The following MAN1C1 variants were observed in gnomAD, a reference collection of about 807,000 sequenced individuals.
MAN1C1 encodes the protein mannosidase alpha class 1C member 1, also known as mannosyl-oligosaccharide 1,2-alpha-mannosidase IC.
Under a neutral mutation model 71.5 loss-of-function variants are expected in MAN1C1, and 49 were observed. That is an observed-to-expected ratio of 0.69 (90% CI 0.54 to 0.87). The LOEUF (loss-of-function observed/expected upper bound fraction) is 0.87. MAN1C1 is among the 40% of genes least tolerant of loss of function. The probability of loss-of-function intolerance (pLI) is 0.00; values close to 1 mark genes in which losing one functional copy is unlikely to be tolerated. For missense variants in MAN1C1, 743 were observed against 835.0 expected, an observed-to-expected ratio of 0.89 and a Z score of 1.36; for synonymous variants, 352 against 343.7, an observed-to-expected ratio of 1.02 and a Z score of -0.27.
chr1:25,721,780 T>C (rs1214972860), intron 2 of MAN1C1, among the ~76,000 whole-genome samples: 1 of 152,200 alleles, frequency 6.6e-6, no homozygotes, highest in Admixed American at 6.5e-5. Context: ...AGTTGCTCTG[T>C]TTAGAACCTC....
chr1:25,713,157 C>T (rs997016437), intron 2 of MAN1C1, among the ~76,000 whole-genome samples: 10 of 151,922 alleles, frequency 6.6e-5, no homozygotes, highest in African/African-American at 2.4e-4. Context: ...AGGTAAATAA[C>T]TTGCCTGGGG....
intron 1 of MAN1C1, among the ~76,000 whole-genome samples, chr1:25,648,874 A>G (rs2045652946): frequency 6.6e-6 from 1 of 152,238 alleles, no homozygotes; most frequent in Non-Finnish European, 1.5e-5. Flanking sequence ...CTAACGTGGC[A>G]TTCCAAGAGC....
intron 8 of MAN1C1, chr1:25,772,016 T>A: frequency 2.1e-6 from 1 of 475,790 alleles, no homozygotes; most frequent in East Asian, 3.8e-5. Flanking sequence ...CTCTGGGAGG[T>A]GAAGTCATTT....
At chr1:25,666,362 T>G (rs1004845698) in intron 1 of MAN1C1, among the ~76,000 whole-genome samples, 2 of 152,220 alleles carry the variant, frequency 1.3e-5, no homozygotes, top group African/African-American at 4.8e-5. Context: ...TTCCAGCTAA[T>G]GAGCCTCATC....
intron 5 of MAN1C1, among the ~76,000 whole-genome samples, chr1:25,754,717 G>C (rs1048346155): frequency 2.0e-5 from 3 of 152,066 alleles, no homozygotes; most frequent in Non-Finnish European, 4.4e-5. Context: ...CCCCTCCCCG[G>C]GTCTGGGGTA....
At chr1:25,670,926 G>C (rs2045985083) in intron 1 of MAN1C1, among the ~76,000 whole-genome samples, 1 of 152,156 alleles carries the variant, frequency 6.6e-6, no homozygotes, top group Non-Finnish European at 1.5e-5. Context: ...ACCCAGGCTG[G>C]AGTGCAGTGG....
chr1:25,736,496 A>G (rs2046984538), intron 2 of MAN1C1, among the ~76,000 whole-genome samples: 1 of 152,068 alleles, frequency 6.6e-6, no homozygotes, highest in East Asian at 1.9e-4. Flanking sequence ...ATACCACCCT[A>G]AAAGGGAGAC....
chr1:25,624,260 G>A (rs949656472), intron 1 of MAN1C1, among the ~76,000 whole-genome samples: 3 of 152,198 alleles, frequency 2.0e-5, no homozygotes, highest in African/African-American at 7.2e-5. Flanking sequence ...AGCTCAGACA[G>A]CAGGGTTTTG....
At chr1:25,741,111 C>T (rs555312918) in intron 2 of MAN1C1, among the ~76,000 whole-genome samples, 1 of 151,910 alleles carries the variant, frequency 6.6e-6, no homozygotes, top group South Asian at 2.1e-4. Context: ...CATGCGATGC[C>T]CAAAGACCTT....
chr1:25,621,545 C>T (rs1397219433), intron 1 of MAN1C1, among the ~76,000 whole-genome samples: 1 of 152,056 alleles, frequency 6.6e-6, no homozygotes, highest in Non-Finnish European at 1.5e-5. Context: ...AGGGTTATAT[C>T]TCAGTGGAAG....
intron 1 of MAN1C1, among the ~76,000 whole-genome samples, chr1:25,663,117 TTTA>T (rs1358450208): frequency 5.4e-4 from 80 of 148,030 alleles, no homozygotes; most frequent in African/African-American, 1.9e-3. Context: ...ATATATATAT[TTTA>T]TTTATTTATT....
At chr1:25,622,895 G>A (rs1243647222) in intron 1 of MAN1C1, among the ~76,000 whole-genome samples, 2 of 152,124 alleles carry the variant, frequency 1.3e-5, no homozygotes, top group African/African-American at 2.4e-5. Context: ...CTGATTTATC[G>A]TCACTAGTGC....
At position 25,753,447 on chromosome 1, in the gene MAN1C1, C is replaced by T. The variant is rs1355461508; in HGVS notation, c.835-37C>T. 6.5e-7 allele frequency: 1 copy of T among 1,542,164 alleles called. No homozygotes were observed. Among genetic ancestry groups the T allele is most frequent in the South Asian group, 1.1e-5 (1 of 87,446 alleles). On this transcript the variant is annotated intron_variant, in intron 4 of 11. Transcript: ENST00000374332. This position sits in a 1 kb window ranked among gnomAD's most constrained non-coding sequence, Gnocchi z 4.9. ...CTGGGGTTGACCTTCCCTCACCCAG[C>T]CTGGAGTCAAAAGCCCTTTGATCCC...
At chr1:25,695,360 A>T (rs1396435206) in intron 2 of MAN1C1, among the ~76,000 whole-genome samples, 1 of 152,196 alleles carries the variant, frequency 6.6e-6, no homozygotes, top group Non-Finnish European at 1.5e-5. Flanking sequence ...AAGTCGGAGG[A>T]AATGGCTTAG....
At chr1:25,780,774 C>T in intron 9 of MAN1C1, 166 bp from the exon 10 acceptor site, 1 of 654,950 alleles carries the variant, frequency 1.5e-6, no homozygotes, top group South Asian at 1.8e-5. Context: ...AGCTGTGCAT[C>T]TGCCCGGTGC....
chr1:25,721,360 A>G (rs1251760870), intron 2 of MAN1C1, among the ~76,000 whole-genome samples: 1 of 152,194 alleles, frequency 6.6e-6, no homozygotes, highest in Non-Finnish European at 1.5e-5. Flanking sequence ...CTGAATTTAT[A>G]GATCAATTTG....
chr1:25,651,365 G>A (rs1572121702), intron 1 of MAN1C1, among the ~76,000 whole-genome samples: 1 of 152,106 alleles, frequency 6.6e-6, no homozygotes, highest in Admixed American at 6.5e-5. Flanking sequence ...CAGCTGGCCT[G>A]TAAGCCTCTC....
intron 2 of MAN1C1, among the ~76,000 whole-genome samples, chr1:25,741,874 G>A (rs1283612712): frequency 6.6e-6 from 1 of 152,200 alleles, no homozygotes; most frequent in African/African-American, 2.4e-5. Context: ...AGGAGGGAAT[G>A]GCAAGTGGCC....
chr1:25,758,761 G>T (rs200551034), intron 6 of MAN1C1, 52 bp downstream of exon 6: 106 of 1,516,126 alleles, frequency 7.0e-5, no homozygotes, highest in Non-Finnish European at 7.9e-5. Context: ...TGAGCGTGCG[G>T]CTGCCACAGG....
Sources: gnomAD v4.1 joint callset for allele counts (sites outside exome capture counted in the v4.1 genomes callset) on GRCh38, gnomAD v4.1.1 for gene constraint, Gnocchi (gnomAD v3.1) non-coding constraint, MANE v1.5 for transcripts, NCBI Gene and HGNC (gene_info 2026-07-23, HGNC 2026-07-21) for gene names.